Variants in UBASH3B observed in about 807,000 individuals in gnomAD.
The protein encoded by UBASH3B is ubiquitin associated and SH3 domain containing B.
A neutral mutation model predicts 83.4 loss-of-function variants in UBASH3B; 37 were observed. The ratio of observed to expected loss-of-function variants is 0.44; its 90% CI spans 0.34 to 0.58. The LOEUF is 0.58. Among genes scored for constraint, UBASH3B ranks in the 20% least tolerant of loss-of-function variants. The pLI is 0.01. For synonymous variants in UBASH3B, 304 were observed against 318.3 expected (o/e 0.96, Z 0.48); for missense variants, 657 against 827.2 (o/e 0.79, Z 2.52).
intron 3 of UBASH3B, among the ~76,000 whole-genome samples, chr11:122,778,091 G>A (rs1860774246): frequency 6.6e-6 from 1 of 152,094 alleles, no homozygotes; most frequent in South Asian, 2.1e-4. Context: ...GTCTACTTTA[G>A]CTCTCTGTGG....
intron 1 of UBASH3B, among the ~76,000 whole-genome samples, chr11:122,689,620 C>T (rs1021072977): frequency 6.6e-6 from 1 of 152,086 alleles, no homozygotes; most frequent in Non-Finnish European, 1.5e-5. Context: ...CAGCTAGTAT[C>T]CTCCAATTCA....
chr11:122,725,137 T>G lies in UBASH3B; in HGVS notation c.162-51082T>G, dbSNP rs1256368483. ...GGCACCCGTCACCATGCCCAGCTAA[T>G]TTTTGTAATTTTACTAGAGACAGGG... is the stretch of plus-strand genomic sequence containing the variant. On this transcript the variant is annotated intron_variant, in intron 1 of 13. Transcript: ENST00000284273. Among the ~76,000 whole-genome samples the G allele has an allele frequency of 8.4e-5, 12 of 142,588 alleles. No individual in the cohort carries two copies. In the East Asian group the frequency reaches 2.7e-3, roughly 32 times the overall value. The allele number at this position is 142,588 out of a possible 152,430, so 93.5% of individuals were successfully genotyped here. A position where few individuals can be genotyped will look rare whatever the true frequency, so the allele number is the denominator to read the frequency against.
intron 6 of UBASH3B, among the ~76,000 whole-genome samples, chr11:122,792,035 G>A (rs1161671331): frequency 6.6e-6 from 1 of 152,180 alleles, no homozygotes; most frequent in East Asian, 1.9e-4. Context: ...TTCTGAGCAA[G>A]AAGCATCTGA....
At position 122,758,539 on chromosome 11, in the gene UBASH3B, G is replaced by A. The variant is rs1202342690; in HGVS notation, c.162-17680G>A. 6.6e-6 allele frequency among the ~76,000 whole-genome samples: 1 copy of A among 152,188 alleles called. No individual in the cohort carries two copies. The highest frequency in any genetic ancestry group is 1.9e-4 in the East Asian group (1 of 5,194). On this transcript the variant is annotated intron_variant, in intron 1 of 13. Coordinates refer to ENST00000284273, the MANE Select transcript of UBASH3B (RefSeq NM_032873.5). The surrounding 1 kb of genome is among the most constrained non-coding windows in gnomAD (Gnocchi z 4.2). ...GGTGGGGGCGGAGGGGGCACCCAGTGGCCGTAGAACACCGACCCTGTGCCA... is the reference window on the plus strand; with the variant it reads ...GGTGGGGGCGGAGGGGGCACCCAGTAGCCGTAGAACACCGACCCTGTGCCA...
At chr11:122,715,717 A>C (rs539093641) in intron 1 of UBASH3B, among the ~76,000 whole-genome samples, 35 of 152,316 alleles carry the variant, frequency 2.3e-4, no homozygotes, top group African/African-American at 7.7e-4. Flanking sequence ...TTAAAAAACC[A>C]AAATCCAAAC....
At chr11:122,694,954 C>CTTTTT (rs71054088) in intron 1 of UBASH3B, among the ~76,000 whole-genome samples, 653 of 50,470 alleles carry the variant, frequency 0.013, 91 homozygotes, top group Non-Finnish European at 0.017. Flanking sequence ...TCTTTTCTTT[C>CTTTTT]TTTTTTTTTT....
chr11:122,697,996 A>G (rs535387290), intron 1 of UBASH3B, among the ~76,000 whole-genome samples: 3 of 152,330 alleles, frequency 2.0e-5, no homozygotes, highest in African/African-American at 4.8e-5. Context: ...CGAAAGTTGC[A>G]TAACGAGTCA....
chr11:122,770,846 T>C (rs530433957), intron 1 of UBASH3B, among the ~76,000 whole-genome samples: 26 of 152,358 alleles, frequency 1.7e-4, no homozygotes, highest in African/African-American at 6.3e-4. Flanking sequence ...TCATTGTCAC[T>C]GCCTCAGTTC....
chr11:122,761,872 A>T (rs955238176), intron 1 of UBASH3B, among the ~76,000 whole-genome samples: 2 of 134,550 alleles, frequency 1.5e-5, no homozygotes, highest in African/African-American at 5.8e-5. Context: ...GCTCACTGCA[A>T]CCTCTGCCTC....
chr11:122,763,662 T>C (rs1860484043), intron 1 of UBASH3B, among the ~76,000 whole-genome samples: 1 of 152,128 alleles, frequency 6.6e-6, no homozygotes, highest in African/African-American at 2.4e-5. Flanking sequence ...GATGTGCAGC[T>C]CTCACACTGG....
At chr11:122,773,949 G>C (rs1860690623) in intron 1 of UBASH3B, 1 of 984,528 alleles carries the variant, frequency 1.0e-6, no homozygotes, top group Non-Finnish European at 1.2e-6. Flanking sequence ...CCTTTTCCCA[G>C]TTGTTTTTGG....
intron 1 of UBASH3B, among the ~76,000 whole-genome samples, chr11:122,711,010 G>T (rs912726614): frequency 6.6e-6 from 1 of 152,138 alleles, no homozygotes; most frequent in African/African-American, 2.4e-5. Context: ...AGAAAATAAG[G>T]TCCCAGCAAA....
At chr11:122,709,861 A>G (rs536261219) in intron 1 of UBASH3B, among the ~76,000 whole-genome samples, 26 of 152,266 alleles carry the variant, frequency 1.7e-4, no homozygotes, top group Non-Finnish European at 3.1e-4. Flanking sequence ...CCTAGATCAA[A>G]AGAGCATTCT....
chr11:122,799,412 G>A (rs921518393), intron 10 of UBASH3B, among the ~76,000 whole-genome samples: 25 of 151,914 alleles, frequency 1.6e-4, no homozygotes, highest in African/African-American at 3.1e-4. Flanking sequence ...GCTTGAACCC[G>A]GGAGGCGGAG....
At chr11:122,688,322 G>A (rs1863833867) in intron 1 of UBASH3B, among the ~76,000 whole-genome samples, 1 of 150,928 alleles carries the variant, frequency 6.6e-6, no homozygotes, top group South Asian at 2.1e-4. Context: ...GGAGCGTAGT[G>A]GCACGATCTC....
At chr11:122,778,328 AC>A (rs1860778089) in intron 3 of UBASH3B, among the ~76,000 whole-genome samples, 2 of 151,910 alleles carry the variant, frequency 1.3e-5, no homozygotes, top group South Asian at 4.2e-4. Context: ...CTTTCTCAAA[AC>A]CCTTCAGAGT....
At chr11:122,770,291 C>T (rs948287599) in intron 1 of UBASH3B, among the ~76,000 whole-genome samples, 2 of 152,144 alleles carry the variant, frequency 1.3e-5, no homozygotes, top group Non-Finnish European at 2.9e-5. Context: ...TTTTTCATTC[C>T]GTTATCCTAC....
intron 1 of UBASH3B, among the ~76,000 whole-genome samples, chr11:122,675,529 T>C (rs1245862503): frequency 6.6e-6 from 1 of 152,210 alleles, no homozygotes; most frequent in Non-Finnish European, 1.5e-5. Context: ...ATGAAATCAA[T>C]GGACTGTGAG....
chr11:122,783,914 T>C (rs994634192), intron 5 of UBASH3B, among the ~76,000 whole-genome samples: 1 of 151,818 alleles, frequency 6.6e-6, no homozygotes, highest in African/African-American at 2.4e-5. Flanking sequence ...TAGACAAGTA[T>C]GTGACATCTT....
Sources: gnomAD v4.1 joint callset for allele counts (sites outside exome capture counted in the v4.1 genomes callset) on GRCh38, gnomAD v4.1.1 for gene constraint, Gnocchi (gnomAD v3.1) non-coding constraint, MANE v1.5 for transcripts, NCBI Gene and HGNC (gene_info 2026-07-23, HGNC 2026-07-21) for gene names.